The following GSAP variants were observed in gnomAD, a reference collection of about 807,000 sequenced individuals.
The protein encoded by GSAP is gamma-secretase-activating protein.
GSAP carries 118 observed loss-of-function variants against 131.7 expected under a neutral mutation model. The observed-to-expected ratio is 0.90, with a 90% CI of 0.77 to 1.04. The LOEUF is 1.04. Among genes scored for constraint, GSAP ranks in the 50% least tolerant of loss-of-function variants. The probability of loss-of-function intolerance (pLI) is 0.00; values close to 1 mark genes in which losing one functional copy is unlikely to be tolerated. For missense variants in GSAP, 1,019 were observed against 1,013.2 expected (o/e 1.01, Z -0.08); for synonymous variants, 381 against 363.4 (o/e 1.05, Z -0.55).
chr7:77,381,478 C>A (rs956957058), intron 7 of GSAP, 124 bp from the exon 8 acceptor site: 52 of 509,160 alleles, frequency 1.0e-4, no homozygotes, highest in Middle Eastern at 7.7e-4. Flanking sequence ...GCCAGAAAAA[C>A]AACACTATCA....
intron 20 of GSAP, 123 bp from the exon 21 acceptor site, chr7:77,329,514 C>A: frequency 2.3e-6 from 1 of 442,500 alleles, no homozygotes. Flanking sequence ...TCCAGGTAAT[C>A]AGAACACCTA....
At chr7:77,341,931 A>T (rs1790990703) in intron 19 of GSAP, among the ~76,000 whole-genome samples, 1 of 152,184 alleles carries the variant, frequency 6.6e-6, no homozygotes, top group Admixed American at 6.5e-5. Flanking sequence ...CACAGTGGTC[A>T]AGCATTCCTT....
chr7:77,312,202 G>A lies in GSAP; in HGVS notation c.2272C>T (p.Leu758Phe), dbSNP rs1378357019. 3.2e-6 allele frequency: 5 copies of A among 1,553,196 alleles called. No individual in the cohort carries two copies. The highest frequency in any genetic ancestry group is 1.9e-5 in the Admixed American group (1 of 51,298). The change falls in exon 29 of 31, where the codon CTT (leucine) becomes TTT (phenylalanine). Residue 758 changes from leucine to phenylalanine, a missense_variant and splice_region_variant. Transcript: ENST00000257626. ...KFSIIVRLPP[L>F]IGQKICRLWD... ...AGTCTACAAATCTTCTGCCCAATAA[G>A]CTATTATGCAAATTGAAAAAAATGT... is the stretch of plus-strand genomic sequence containing the variant.
At chr7:77,325,862 T>G (rs1310882447) in intron 23 of GSAP, among the ~76,000 whole-genome samples, 2 of 152,212 alleles carry the variant, frequency 1.3e-5, no homozygotes, top group East Asian at 3.8e-4. Flanking sequence ...TGAGCCACTG[T>G]GCCCGGCCTG....
At chr7:77,374,042 T>A (rs201191559) in intron 12 of GSAP, 28 bp downstream of exon 12, 142 of 1,250,106 alleles carry the variant, frequency 1.1e-4, no homozygotes, top group Non-Finnish European at 1.6e-4. Flanking sequence ...TACGGTTGAA[T>A]AAATTGATAA....
intron 12 of GSAP, among the ~76,000 whole-genome samples, chr7:77,370,038 A>G (rs539980313): frequency 1.3e-5 from 2 of 152,338 alleles, no homozygotes; most frequent in East Asian, 3.9e-4. Context: ...AATATGTCAT[A>G]ACTAGCCCCA....
chr7:77,367,314 T>G (rs12538248), intron 12 of GSAP, among the ~76,000 whole-genome samples: 11,004 of 152,284 alleles, frequency 0.072, 538 homozygotes, highest in Non-Finnish European at 0.1. Flanking sequence ...GCTACCAGCT[T>G]TTGCCCATTC....
chr7:77,407,714 G>T (rs1802540132), intron 1 of GSAP, among the ~76,000 whole-genome samples: 1 of 152,060 alleles, frequency 6.6e-6, no homozygotes, highest in African/African-American at 2.4e-5. Context: ...TGGAAAACTG[G>T]CAATATCTAG....
chr7:77,405,882 CAA>C (rs1378397605), intron 2 of GSAP, 145 bp downstream of exon 2: 5 of 289,992 alleles, frequency 1.7e-5, no homozygotes, highest in African/African-American at 6.9e-5. Flanking sequence ...CTCACACACA[CAA>C]AGTCATATGT....
intron 26 of GSAP, among the ~76,000 whole-genome samples, chr7:77,317,899 A>C (rs1453393619): frequency 1.3e-5 from 2 of 152,202 alleles, no homozygotes; most frequent in Non-Finnish European, 2.9e-5. Flanking sequence ...CATTGGGATA[A>C]TTTTAAACCA....
intron 26 of GSAP, among the ~76,000 whole-genome samples, chr7:77,320,268 T>C (rs933034096): frequency 6.6e-6 from 1 of 152,142 alleles, no homozygotes; most frequent in African/African-American, 2.4e-5. Flanking sequence ...TGCATATACA[T>C]CTCCCCAGGA....
intron 1 of GSAP, among the ~76,000 whole-genome samples, chr7:77,408,199 TCTATATGAAAGCC>T (rs1156721897): frequency 6.6e-6 from 1 of 152,252 alleles, no homozygotes; most frequent in African/African-American, 2.4e-5. Flanking sequence ...TGTGTCCTTG[TCTATATGAAAGCC>T]CTATTTTGCT....
chr7:77,328,344 A>T, intron 22 of GSAP: 4 of 1,222,340 alleles, frequency 3.3e-6, no homozygotes, highest in Non-Finnish European at 4.1e-6. Flanking sequence ...TCTGTATGAC[A>T]GGAAATAAGG....
chr7:77,414,585 A>G (rs1010875158), intron 1 of GSAP, among the ~76,000 whole-genome samples: 7 of 152,206 alleles, frequency 4.6e-5, no homozygotes, highest in Admixed American at 2.0e-4. Flanking sequence ...ACACAAGTTT[A>G]TATTTCTTCA....
At chr7:77,325,050 A>C (rs1458627841) in intron 23 of GSAP, among the ~76,000 whole-genome samples, 1 of 152,038 alleles carries the variant, frequency 6.6e-6, no homozygotes, top group Non-Finnish European at 1.5e-5. Flanking sequence ...TCCTGACCTC[A>C]GGTGATCCAC....
intron 19 of GSAP, among the ~76,000 whole-genome samples, chr7:77,334,362 G>A (rs998915349): frequency 6.7e-4 from 102 of 151,844 alleles, no homozygotes; most frequent in Admixed American, 9.8e-4. Context: ...TTATAAGTAG[G>A]AGCTGAACAA....
At chr7:77,373,665 G>T (rs1437165393) in intron 12 of GSAP, among the ~76,000 whole-genome samples, 5 of 152,100 alleles carry the variant, frequency 3.3e-5, no homozygotes, top group African/African-American at 9.7e-5. Flanking sequence ...TTGTTACATT[G>T]GTAGGCTGCA....
chr7:77,350,006 A>G (rs1200927830), intron 18 of GSAP, among the ~76,000 whole-genome samples: 4 of 152,058 alleles, frequency 2.6e-5, no homozygotes, highest in Non-Finnish European at 1.5e-5. Flanking sequence ...AATAGCAAAG[A>G]CTTGGAACCA....
intron 27 of GSAP, 22 bp from the exon 28 acceptor site, chr7:77,313,571 G>A (rs2150580231): frequency 8.1e-7 from 1 of 1,240,718 alleles, no homozygotes; most frequent in Middle Eastern, 2.1e-4. Context: ...TTAGAGATTA[G>A]CAAATGAAAC....
Sources: allele counts gnomAD v4.1 joint callset (sites outside exome capture counted in the v4.1 genomes callset), GRCh38; gene constraint gnomAD v4.1.1; transcripts MANE v1.5; gene names NCBI Gene and HGNC (gene_info 2026-07-23, HGNC 2026-07-21).